The following PTGES variants were observed in gnomAD, a reference collection of about 807,000 sequenced individuals.
The protein encoded by PTGES is prostaglandin E synthase, also known as MGST1-like 1.
A neutral mutation model predicts 11.8 loss-of-function variants in PTGES; 3 were observed. The observed-to-expected ratio is 0.25, with a 90% CI of 0.12 to 0.66. The LOEUF is 0.66. PTGES is among the 30% of genes least tolerant of loss of function. The pLI, the probability that PTGES is intolerant of heterozygous loss-of-function variation, is 0.82. For missense variants in PTGES, 180 were observed against 213.0 expected (o/e 0.85, Z 0.96); for synonymous variants, 94 against 90.4 (o/e 1.04, Z -0.22).
chr9:129,743,341 C>T (rs151204516), intron 2 of PTGES, among the ~76,000 whole-genome samples: 1 of 152,332 alleles, frequency 6.6e-6, no homozygotes, highest in African/African-American at 2.4e-5. Context: ...CCTCCAGGCT[C>T]CAAACCGAGA....
At chr9:129,743,013 G>T (rs547764184) in intron 2 of PTGES, among the ~76,000 whole-genome samples, 3 of 152,350 alleles carry the variant, frequency 2.0e-5, no homozygotes, top group East Asian at 3.9e-4. Context: ...GGAACAAGAC[G>T]GGAAGTTCAT....
Position 129,739,722 on chromosome 9 carries a change from G to A in PTGES, c.348C>T (p.Ala116=). 1.3e-6 allele frequency: 2 copies of A among 1,578,390 alleles called. No individual in the cohort carries two copies. The highest frequency in any genetic ancestry group is 2.3e-5 in the South Asian group (2 of 86,156). The change falls in exon 3 of 3, where the codon GCC becomes GCT. Residue 116 remains alanine, a synonymous_variant. Coordinates refer to ENST00000340607, the MANE Select transcript of PTGES (RefSeq NM_004878.5). This position sits in a 1 kb window ranked among gnomAD's most constrained non-coding sequence, Gnocchi z 5.7. ...TGGGTGCCCGCAGCTTCCCCAGGTA[G>A]GCCACGGTGTGTGCCACACGGCCCA... ...FLVGRVAHTV[A]YLGKLRAPIR...
At chr9:129,741,192 G>A (rs1468815599) in intron 2 of PTGES, among the ~76,000 whole-genome samples, 1 of 152,206 alleles carries the variant, frequency 6.6e-6, no homozygotes, top group African/African-American at 2.4e-5. Context: ...GGCCCTGCAG[G>A]GGAAAAGCAT....
chr9:129,744,390 C>A (rs1384074121), intron 2 of PTGES, among the ~76,000 whole-genome samples: 1 of 152,018 alleles, frequency 6.6e-6, no homozygotes, highest in Non-Finnish European at 1.5e-5. Context: ...AGCAACATAG[C>A]AAGATCCCGT....
intron 2 of PTGES, among the ~76,000 whole-genome samples, chr9:129,747,070 G>A (rs1312870089): frequency 6.6e-6 from 1 of 152,164 alleles, no homozygotes; most frequent in Non-Finnish European, 1.5e-5. Flanking sequence ...GTGCCACCAT[G>A]CCCGGCTAAT....
At position 129,745,906 on chromosome 9, in the gene PTGES, T is replaced by A. The variant is rs1423411263; in HGVS notation, c.209+2749A>T. Among the ~76,000 whole-genome samples the A allele has an allele frequency of 6.6e-6, 1 of 151,428 alleles. No individual in the cohort carries two copies. Among genetic ancestry groups the A allele is most frequent in the African/African-American group, 2.4e-5 (1 of 41,158 alleles). On this transcript the variant is annotated intron_variant, in intron 2 of 2. Coordinates refer to ENST00000340607, the MANE Select transcript of PTGES (RefSeq NM_004878.5). This position sits in a 1 kb window ranked among gnomAD's most constrained non-coding sequence, Gnocchi z 4.2. Reference sequence around the variant, plus strand: ...AAAAATTAGCTGGCGTGGTCACAGGTGCCTGTAATCCCAGCTACTCGGGAG... The same window carrying A: ...AAAAATTAGCTGGCGTGGTCACAGGAGCCTGTAATCCCAGCTACTCGGGAG...
intron 1 of PTGES, among the ~76,000 whole-genome samples, chr9:129,751,343 TA>T (rs34989168): frequency 0.068 from 7,015 of 103,292 alleles, 533 homozygotes; most frequent in African/African-American, 0.22. Context: ...AAATAATAAT[TA>T]AAAAAAAAAA....
intron 1 of PTGES, chr9:129,749,444 T>G (rs1833081448): frequency 6.6e-6 from 1 of 152,606 alleles, no homozygotes; most frequent in Non-Finnish European, 1.5e-5. Context: ...GCTCAGGAGT[T>G]CAAGACCAGC....
intron 2 of PTGES, among the ~76,000 whole-genome samples, chr9:129,746,432 AG>A (rs1245928877): frequency 2.6e-5 from 4 of 152,216 alleles, no homozygotes; most frequent in Non-Finnish European, 4.4e-5. Context: ...TCTGGGATGT[AG>A]TAAGGGCTCA....
At position 129,738,667 on chromosome 9, in the gene PTGES, C is replaced by T. The variant is rs1435294891; in HGVS notation, c.*944G>A. On this transcript the variant is annotated 3_prime_UTR_variant, in exon 3 of 3. Coordinates refer to ENST00000340607, the MANE Select transcript of PTGES (RefSeq NM_004878.5). This position sits in a 1 kb window ranked among gnomAD's most constrained non-coding sequence, Gnocchi z 4.2. Reference sequence around the variant, plus strand: ...GCCAGAGAGAAGACTGCAGCAAAGACATCCAAAGCCAACGGCAAGGGAAGC... The same window carrying T: ...GCCAGAGAGAAGACTGCAGCAAAGATATCCAAAGCCAACGGCAAGGGAAGC... 6.6e-6 allele frequency: 1 copy of T among 152,432 alleles called. No homozygotes were observed. Among genetic ancestry groups the T allele is most frequent in the African/African-American group, 2.4e-5 (1 of 41,448 alleles). The allele number at this position is 152,432 out of a possible 1,614,324, so 9.4% of individuals were successfully genotyped here.
intron 2 of PTGES, among the ~76,000 whole-genome samples, chr9:129,740,431 G>C (rs1832984236): frequency 1.3e-5 from 2 of 152,138 alleles, no homozygotes; most frequent in South Asian, 4.1e-4. Context: ...TGAATGCCGG[G>C]CTCTGTCTCC....
rs991813545 is a variant in PTGES at position 129,752,787 on chromosome 9, C to A, written c.126+100G>T. The A allele has an allele frequency of 3.8e-6, 6 of 1,583,046 alleles. No individual in the cohort carries two copies. The East Asian group carries it at 1.1e-4, about 29-fold the overall frequency. ...AAGAGGTGCTCACCTCCCAGCCCTG[C>A]ACACACCTTGGCCATGTTTCCCTAT... On this transcript the variant is annotated intron_variant, in intron 1 of 2. Coordinates refer to ENST00000340607, the MANE Select transcript of PTGES (RefSeq NM_004878.5).
In PTGES at chr9:129,739,443, C is replaced by T. The variant is rs201084503; in HGVS notation, c.*168G>A. 59 of 893,368 alleles carry T rather than the reference C, an allele frequency of 6.6e-5. No individual in the cohort carries two copies. The highest frequency in any genetic ancestry group is 4.4e-4 in the South Asian group (25 of 56,282). The allele number at this position is 893,368 out of a possible 1,614,324, so 55.3% of individuals were successfully genotyped here. On this transcript the variant is annotated 3_prime_UTR_variant, in exon 3 of 3. Transcript: ENST00000340607. The surrounding 1 kb of genome is among the most constrained non-coding windows in gnomAD (Gnocchi z 5.7). The stretch of plus-strand genomic sequence containing the variant: ...ACATACACACACACATACACACACA[C>T]GGGCACACACACAGGCCCACTGTGC...
chr9:129,739,614 C>T lies in PTGES; in HGVS notation c.456G>A (p.Leu152=), dbSNP rs201989691. 58 of 1,550,416 alleles carry T rather than the reference C, an allele frequency of 3.7e-5. No homozygotes were observed. Among genetic ancestry groups the T allele is most frequent in the Non-Finnish European group, 4.7e-5 (54 of 1,146,964 alleles). The part of the protein sequence containing the change: ...LQILWEAARH[L] ...CCAAGGAGGCATCAGCTGCTGGTCA[C>T]AGGTGGCGGGCCGCTTCCCAGAGGA... Residue 152 remains leucine (L), a synonymous_variant, in exon 3 of 3, where the codon CTG becomes CTA. Transcript: ENST00000340607. This position sits in a 1 kb window ranked among gnomAD's most constrained non-coding sequence, Gnocchi z 5.7.
At chr9:129,748,783 C>G (rs1319397095) in intron 1 of PTGES, 46 bp from the exon 2 acceptor site, 2 of 1,488,108 alleles carry the variant, frequency 1.3e-6, no homozygotes, top group Non-Finnish European at 1.8e-6. Context: ...ACAAACGGCC[C>G]AGTCACCTGG....
chr9:129,745,256 C>T lies in PTGES; in HGVS notation c.209+3399G>A, dbSNP rs1415180213. ...CCCAGACGCACATTGCCGGGAACTCCGGATAGGTATCCTGAAAAGGTGGCT... is the reference window on the plus strand; with the variant it reads ...CCCAGACGCACATTGCCGGGAACTCTGGATAGGTATCCTGAAAAGGTGGCT... On this transcript the variant is annotated intron_variant, in intron 2 of 2. Transcript: ENST00000340607. The surrounding 1 kb of genome is among the most constrained non-coding windows in gnomAD (Gnocchi z 4.2). 3.3e-5 allele frequency among the ~76,000 whole-genome samples: 5 copies of T among 152,202 alleles called. No homozygotes were observed. The highest frequency in any genetic ancestry group is 1.2e-4 in the African/African-American group (5 of 41,440).
intron 1 of PTGES, among the ~76,000 whole-genome samples, chr9:129,750,343 A>G (rs1833090874): frequency 6.6e-6 from 1 of 152,178 alleles, no homozygotes; most frequent in South Asian, 2.1e-4. Flanking sequence ...ACCCCAGAGG[A>G]GAATGCAGCT....
Position 129,745,592 on chromosome 9 carries a change from C to T in PTGES, c.209+3063G>A, listed in dbSNP as rs532831306. 6.6e-6 allele frequency among the ~76,000 whole-genome samples: 1 copy of T among 152,308 alleles called. No homozygotes were observed. The highest frequency in any genetic ancestry group is 2.4e-5 in the African/African-American group (1 of 41,542). On this transcript the variant is annotated intron_variant, in intron 2 of 2. Coordinates refer to ENST00000340607, the MANE Select transcript of PTGES (RefSeq NM_004878.5). This position sits in a 1 kb window ranked among gnomAD's most constrained non-coding sequence, Gnocchi z 4.2. ...AGAGGAGGGGCCCAGGGGACCCAGG[C>T]ACTCCCCAGGTCTGACTTGGGCCCA...
At chr9:129,746,416 A>G (rs1327367911) in intron 2 of PTGES, among the ~76,000 whole-genome samples, 1 of 152,204 alleles carries the variant, frequency 6.6e-6, no homozygotes. Flanking sequence ...AGTGCTTAGC[A>G]CAGTGTCTGG....
Sources: allele counts gnomAD v4.1 joint callset (sites outside exome capture counted in the v4.1 genomes callset), GRCh38; gene constraint gnomAD v4.1.1; non-coding constraint Gnocchi (gnomAD v3.1); transcripts MANE v1.5; gene names NCBI Gene and HGNC (gene_info 2026-07-23, HGNC 2026-07-21).